NPY2R: variants seen among roughly 807,000 people sequenced by gnomAD.
The protein encoded by NPY2R is neuropeptide Y receptor Y2, also known as neuropeptide Y receptor type 2.
Under a neutral mutation model 22.3 loss-of-function variants are expected in NPY2R, and 17 were observed. The observed-to-expected ratio is 0.76, with a 90% CI of 0.52 to 1.14. The LOEUF (loss-of-function observed/expected upper bound fraction) is 1.14, where lower values mean the gene tolerates loss of function less well. Ranked by LOEUF, NPY2R falls within the 50% of genes most tolerant of loss-of-function variation. The pLI is 0.00. For synonymous variants in NPY2R, 209 were observed against 183.4 expected (o/e 1.14, Z -1.13); for missense variants, 424 against 467.9 (o/e 0.91, Z 0.87).
At chr4:155,198,614 T>TAATATATTATATATAATATATA in the NPY2R span, among the ~76,000 whole-genome samples, 7 of 147,576 alleles carry the variant, frequency 4.7e-5, no homozygotes, top group East Asian at 1.9e-4. Context: ...TTGATATATA[T>TAATATATTATATATAATATATA]TTTTTTTCTG....
At chr4:155,184,229 A>ATG in the NPY2R span, among the ~76,000 whole-genome samples, 1 of 3,098 alleles carries the variant, frequency 3.2e-4, no homozygotes, top group Non-Finnish European at 9.5e-4. Flanking sequence ...GCCTCAAACA[A>ATG]TTTCTCCTTT....
the NPY2R span, among the ~76,000 whole-genome samples, chr4:155,183,344 G>A: frequency 6.6e-6 from 1 of 152,124 alleles, no homozygotes; most frequent in Non-Finnish European, 1.5e-5. Context: ...TCAGGGCTGA[G>A]GAGGAAATAT....
At chr4:155,174,484 A>ATATATATATATATATTTTTTT in the NPY2R span, among the ~76,000 whole-genome samples, 4 of 106,072 alleles carry the variant, frequency 3.8e-5, no homozygotes, top group African/African-American at 1.8e-4. Flanking sequence ...ATATATATAT[A>ATATATATATATATATTTTTTT]TTTTTTTTTT....
the NPY2R span, among the ~76,000 whole-genome samples, chr4:155,181,724 A>G: frequency 1.3e-5 from 2 of 152,160 alleles, no homozygotes; most frequent in African/African-American, 4.8e-5. Flanking sequence ...TTCATCTTGG[A>G]CTTCCTAGCC....
At chr4:155,186,394 A>T in the NPY2R span, among the ~76,000 whole-genome samples, 1 of 152,174 alleles carries the variant, frequency 6.6e-6, no homozygotes, top group Admixed American at 6.6e-5. Flanking sequence ...AACAAACACA[A>T]ATCTGAAAAT....
upstream of NPY2R, chr4:155,207,440 T>G (rs2111031643): frequency 6.6e-6 from 1 of 152,360 alleles, no homozygotes; most frequent in African/African-American, 2.4e-5. Flanking sequence ...AAGTAATGTG[T>G]GCAAAGCCTC....
intron 1 of NPY2R, among the ~76,000 whole-genome samples, chr4:155,212,549 A>G (rs572402989): frequency 2.2e-4 from 33 of 152,330 alleles, no homozygotes; most frequent in African/African-American, 7.9e-4. Context: ...GCAGGTTTGA[A>G]GAAGTAAAGG....
the NPY2R span, among the ~76,000 whole-genome samples, chr4:155,186,911 G>GA: frequency 2.0e-5 from 3 of 152,052 alleles, no homozygotes; most frequent in Admixed American, 2.0e-4. Context: ...TCAGTTAAAA[G>GA]AAAAAATTTC....
At chr4:155,207,026 CTG>C (rs1173200008), upstream of NPY2R, 3 of 152,168 alleles carry the variant, frequency 2.0e-5, no homozygotes, top group Non-Finnish European at 4.4e-5. Context: ...TTAAGTGGAA[CTG>C]TGTAGAACAT....
chr4:155,183,125 A>G, the NPY2R span, among the ~76,000 whole-genome samples: 2 of 152,164 alleles, frequency 1.3e-5, no homozygotes, highest in Admixed American at 6.6e-5. Context: ...CTGTTAAACC[A>G]TAAGTTCGGG....
the NPY2R span, among the ~76,000 whole-genome samples, chr4:155,191,992 C>T: frequency 5.3e-4 from 81 of 151,976 alleles, no homozygotes; most frequent in Middle Eastern, 3.4e-3. Flanking sequence ...CTTTATGCAT[C>T]ATTGTATGCA....
chr4:155,188,025 C>A, the NPY2R span, among the ~76,000 whole-genome samples: 1 of 152,066 alleles, frequency 6.6e-6, no homozygotes, highest in Non-Finnish European at 1.5e-5. Flanking sequence ...GTGGGCCTGG[C>A]GAACAATGCT....
chr4:155,210,179 C>T (rs1218992347), intron 1 of NPY2R, among the ~76,000 whole-genome samples: 1 of 152,142 alleles, frequency 6.6e-6, no homozygotes, highest in Non-Finnish European at 1.5e-5. Flanking sequence ...GTACCATTTT[C>T]CTTTCCCACT....
chr4:155,190,265 T>C, the NPY2R span, among the ~76,000 whole-genome samples: 70,826 of 151,806 alleles, frequency 0.47, 17,230 homozygotes, highest in East Asian at 0.69. Flanking sequence ...ACTCTATTAG[T>C]TGAGAGTGAG....
chr4:155,177,963 G>A, the NPY2R span, among the ~76,000 whole-genome samples: 3 of 151,956 alleles, frequency 2.0e-5, no homozygotes, highest in African/African-American at 7.3e-5. Context: ...ACCTCATATG[G>A]CATTTCTGCT....
In NPY2R at chr4:155,214,406, T is replaced by C; in HGVS notation, c.467T>C (p.Leu156Pro). Reference protein sequence around the residue: ...LDRHRCIVYHLESKISKRISF... With the variant: ...LDRHRCIVYHPESKISKRISF... ...CGGCACAGGTGCATCGTCTACCACC[T>C]AGAGAGCAAGATCTCCAAGCGAATC... The change falls in exon 2 of 2, where the codon CTA becomes CCA. Residue 156 changes from leucine (L) to proline (P), a missense_variant. Physicochemically the swap from Leu to Pro is moderately conservative, Grantham distance 98. Coordinates refer to ENST00000329476, the MANE Select transcript of NPY2R (RefSeq NM_000910.4). 2.5e-6 allele frequency: 4 copies of C among 1,613,842 alleles called. No homozygotes were observed. The South Asian group carries it at 3.3e-5, about 13-fold the overall frequency.
At chr4:155,202,432 A>T in the NPY2R span, among the ~76,000 whole-genome samples, 2 of 152,178 alleles carry the variant, frequency 1.3e-5, no homozygotes, top group African/African-American at 4.8e-5. Flanking sequence ...AATCAATAGC[A>T]GGTCTGTGTA....
the NPY2R span, among the ~76,000 whole-genome samples, chr4:155,192,591 C>T: frequency 5.4e-4 from 82 of 152,016 alleles, no homozygotes; most frequent in African/African-American, 1.8e-3. Flanking sequence ...TATTTAATAT[C>T]TCACACACAG....
the NPY2R span, among the ~76,000 whole-genome samples, chr4:155,203,424 A>C: frequency 6.6e-6 from 1 of 152,210 alleles, no homozygotes; most frequent in East Asian, 1.9e-4. Flanking sequence ...TCAATTTTTC[A>C]TCAGAACAAA....
Sources: allele counts gnomAD v4.1 joint callset (sites outside exome capture counted in the v4.1 genomes callset), GRCh38; gene constraint gnomAD v4.1.1; transcripts MANE v1.5; gene names NCBI Gene and HGNC (gene_info 2026-07-23, HGNC 2026-07-21).